CADPS2: variants seen among roughly 807,000 people sequenced by gnomAD.
The protein encoded by CADPS2 is calcium dependent secretion activator 2.
Under a neutral mutation model 172.5 loss-of-function variants are expected in CADPS2, and 93 were observed. The observed-to-expected ratio is 0.54, with a 90% CI of 0.46 to 0.64. CADPS2 has a LOEUF of 0.64. Ranked by LOEUF, CADPS2 falls within the 30% of genes least tolerant of loss-of-function variation. The pLI is 0.00. For synonymous variants in CADPS2, 546 were observed against 555.2 expected, an observed-to-expected ratio of 0.98 and a Z score of 0.23; for missense variants, 1,420 against 1,565.9, an observed-to-expected ratio of 0.91 and a Z score of 1.57.
At chr7:122,430,524 C>A (rs973390224) in intron 17 of CADPS2, among the ~76,000 whole-genome samples, 1 of 152,104 alleles carries the variant, frequency 6.6e-6, no homozygotes, top group Non-Finnish European at 1.5e-5. Context: ...GTTATCTCTG[C>A]ATGCCAGAAT....
intron 2 of CADPS2, among the ~76,000 whole-genome samples, chr7:122,664,129 C>A (rs1004806108): frequency 6.7e-6 from 1 of 150,114 alleles, no homozygotes; most frequent in Non-Finnish European, 1.5e-5. Context: ...AACATCCATA[C>A]CTGTGTCTGA....
intron 20 of CADPS2, among the ~76,000 whole-genome samples, chr7:122,397,302 A>G (rs2045278220): frequency 6.6e-6 from 1 of 152,144 alleles, no homozygotes; most frequent in Non-Finnish European, 1.5e-5. Flanking sequence ...GAATTCAGCA[A>G]AGAGTTATTT....
chr7:122,342,342 C>T (rs572791291), intron 28 of CADPS2, among the ~76,000 whole-genome samples: 4 of 152,188 alleles, frequency 2.6e-5, no homozygotes, highest in East Asian at 1.9e-4. Context: ...TGTTTTTGGT[C>T]TTAAGCAATA....
At chr7:122,467,984 T>C (rs1275407851) in intron 14 of CADPS2, among the ~76,000 whole-genome samples, 1 of 152,134 alleles carries the variant, frequency 6.6e-6, no homozygotes, top group Non-Finnish European at 1.5e-5. Context: ...TCCTCAGTCT[T>C]AGTACCAGCC....
intron 1 of CADPS2, among the ~76,000 whole-genome samples, chr7:122,778,169 GA>G (rs978862696): frequency 6.6e-6 from 1 of 152,100 alleles, no homozygotes; most frequent in Non-Finnish European, 1.5e-5. Context: ...TGGAGATAAG[GA>G]ACCTGTTGGA....
chr7:122,727,173 G>A (rs552658654), intron 2 of CADPS2, among the ~76,000 whole-genome samples: 9 of 152,018 alleles, frequency 5.9e-5, no homozygotes, highest in East Asian at 3.9e-4. Context: ...AGGTATGAGC[G>A]TAAATTCTTT....
At chr7:122,653,070 G>A (rs1291176515) in intron 3 of CADPS2, among the ~76,000 whole-genome samples, 2 of 152,092 alleles carry the variant, frequency 1.3e-5, no homozygotes, top group South Asian at 2.1e-4. Context: ...GATGGCCATC[G>A]ATGTCATGTG....
rs1316209631 is a variant in CADPS2 at position 122,319,995 on chromosome 7, A to C, written c.*170T>G. 2.3e-5 allele frequency: 14 copies of C among 613,470 alleles called. No homozygotes were observed. The highest frequency in any genetic ancestry group is 1.4e-4 in the East Asian group (4 of 29,204). 38.0% of individuals were successfully genotyped at this position (613,470 alleles called of 1,614,324 possible). A position where few individuals can be genotyped will look rare whatever the true frequency, so the allele number is the denominator to read the frequency against. On this transcript the variant is annotated 3_prime_UTR_variant, in exon 30 of 30. Transcript: ENST00000449022. ...CAAAAAAAGGAAACAAAAAAACCCC[A>C]AAATCTTGGCATTTCCCCTTTTACT...
At chr7:122,531,773 C>G (rs2061775438) in intron 8 of CADPS2, among the ~76,000 whole-genome samples, 1 of 152,060 alleles carries the variant, frequency 6.6e-6, no homozygotes, top group African/African-American at 2.4e-5. Flanking sequence ...TGGCTCACTC[C>G]TGTTGTCCCA....
intron 1 of CADPS2, among the ~76,000 whole-genome samples, chr7:122,878,446 A>C (rs1474971725): frequency 2.6e-5 from 4 of 151,490 alleles, no homozygotes; most frequent in Non-Finnish European, 4.4e-5. Context: ...ACGTCAGGAG[A>C]TCGAGACCAT....
chr7:122,608,213 T>TAAAAA (rs59329850), intron 6 of CADPS2, among the ~76,000 whole-genome samples: 1 of 140,678 alleles, frequency 7.1e-6, no homozygotes, highest in Non-Finnish European at 1.6e-5. Flanking sequence ...AGACTCCGTC[T>TAAAAA]AAAAAAAAAA....
At chr7:122,404,895 G>A (rs932896977) in intron 20 of CADPS2, among the ~76,000 whole-genome samples, 1 of 151,806 alleles carries the variant, frequency 6.6e-6, no homozygotes, top group Non-Finnish European at 1.5e-5. Context: ...GGAGGCCGAG[G>A]TGGGGGGATC....
intron 1 of CADPS2, among the ~76,000 whole-genome samples, chr7:122,875,960 A>G (rs1821091155): frequency 6.6e-6 from 1 of 152,208 alleles, no homozygotes; most frequent in Non-Finnish European, 1.5e-5. Context: ...AAACACAAAG[A>G]AAGGATACAA....
At chr7:122,374,368 A>G (rs182575554) in intron 25 of CADPS2, among the ~76,000 whole-genome samples, 13 of 152,242 alleles carry the variant, frequency 8.5e-5, no homozygotes, top group Admixed American at 8.5e-4. Flanking sequence ...TACCACTTCT[A>G]TTCAACATAG....
chr7:122,629,383 AC>A, intron 3 of CADPS2, 55 bp from the exon 4 acceptor site: 1 of 1,353,516 alleles, frequency 7.4e-7, no homozygotes, highest in Non-Finnish European at 1.0e-6. Context: ...ATATACAGTG[AC>A]CCACAGACTG....
chr7:122,441,570 C>A lies in CADPS2; in HGVS notation c.2294G>T (p.Cys765Phe), dbSNP rs1428834870. Reference protein sequence around the residue: ...LENQISHFRYCFPFGRPEGAL... With the variant: ...LENQISHFRYFFPFGRPEGAL... ...ACCTTCAGGTCGTCCAAAGGGAAAA[C>A]AGTATCTTTAAAAACAAAAGAAAGA... The change falls in exon 16 of 30, where the codon TGT becomes TTT. Residue 765 changes from cysteine (C) to phenylalanine (F), a missense_variant. By Grantham distance (205) the Cys-to-Phe change is radical. Transcript: ENST00000449022. 6.5e-7 allele frequency: 1 copy of A among 1,531,370 alleles called. No individual in the cohort carries two copies. The highest frequency in any genetic ancestry group is 2.2e-5 in the Admixed American group (1 of 46,234). 94.9% of individuals were successfully genotyped at this position (1,531,370 alleles called of 1,614,324 possible).
At chr7:122,371,261 T>C (rs1472884756) in intron 25 of CADPS2, among the ~76,000 whole-genome samples, 2 of 152,174 alleles carry the variant, frequency 1.3e-5, no homozygotes, top group Non-Finnish European at 2.9e-5. Context: ...GTTCACACAC[T>C]GCTATGAAGA....
chr7:122,491,708 T>G (rs1004508889), intron 9 of CADPS2, among the ~76,000 whole-genome samples: 9 of 152,150 alleles, frequency 5.9e-5, no homozygotes, highest in Admixed American at 3.3e-4. Flanking sequence ...GTATTCATGT[T>G]GATACGTTTG....
At chr7:122,737,455 C>A (rs2092237825) in intron 1 of CADPS2, among the ~76,000 whole-genome samples, 1 of 152,218 alleles carries the variant, frequency 6.6e-6, no homozygotes, top group Non-Finnish European at 1.5e-5. Flanking sequence ...AAATGATCCG[C>A]CTGCCTTGGC....
Sources: gnomAD v4.1 joint callset for allele counts (sites outside exome capture counted in the v4.1 genomes callset) on GRCh38, gnomAD v4.1.1 for gene constraint, MANE v1.5 for transcripts, NCBI Gene and HGNC (gene_info 2026-07-23, HGNC 2026-07-21) for gene names.